Variants in PRR16 observed in about 807,000 individuals in gnomAD.
PRR16 encodes proline rich 16, also known as protein Largen.
In PRR16, 6 loss-of-function variants were observed where a neutral mutation model predicts 18.2. The ratio of observed to expected loss-of-function variants is 0.33; its 90% confidence interval spans 0.18 to 0.65. The LOEUF (loss-of-function observed/expected upper bound fraction) is 0.65, where lower values mean the gene tolerates loss of function less well. PRR16 is among the 30% of genes least tolerant of loss of function. PRR16 has a pLI of 0.74. For synonymous variants in PRR16, 151 were observed against 147.8 expected, an observed-to-expected ratio of 1.02 and a Z score of -0.16; for missense variants, 412 against 376.6, an observed-to-expected ratio of 1.09 and a Z score of -0.78.
intron 1 of PRR16, among the ~76,000 whole-genome samples, chr5:120,476,155 G>A (rs1749435044): frequency 6.6e-6 from 1 of 152,112 alleles, no homozygotes; most frequent in Non-Finnish European, 1.5e-5. Context: ...TTAATCTAAT[G>A]TACTGCTTTC....
intron 1 of PRR16, among the ~76,000 whole-genome samples, chr5:120,617,443 T>C (rs1754549594): frequency 6.6e-6 from 1 of 152,186 alleles, no homozygotes; most frequent in Non-Finnish European, 1.5e-5. Flanking sequence ...AAATTCCACA[T>C]AAGGAAATAA....
At chr5:120,754,363 AAT>A in the PRR16 span, among the ~76,000 whole-genome samples, 4 of 55,736 alleles carry the variant, frequency 7.2e-5, no homozygotes, top group African/African-American at 8.9e-5. Context: ...GATGTATATA[AAT>A]ATATAATATA....
intron 1 of PRR16, among the ~76,000 whole-genome samples, chr5:120,628,287 T>C (rs1276720335): frequency 6.6e-6 from 1 of 152,134 alleles, no homozygotes; most frequent in East Asian, 1.9e-4. Context: ...AACACTTTTC[T>C]AGTTATATTT....
the PRR16 span, among the ~76,000 whole-genome samples, chr5:120,785,569 G>GTTTTTTTTTTTTTTTTTTTTTTTTTTTT: frequency 1.0e-5 from 1 of 99,606 alleles, no homozygotes; most frequent in African/African-American, 3.8e-5. Flanking sequence ...GTGTTTTGTT[G>GTTTTTTTTTTTTTTTTTTTTTTTTTTTT]TTGTTGTTTT....
the PRR16 span, among the ~76,000 whole-genome samples, chr5:120,774,984 T>C: frequency 6.6e-6 from 1 of 152,188 alleles, no homozygotes; most frequent in Non-Finnish European, 1.5e-5. Flanking sequence ...CTTCCTTCCA[T>C]GCAGCCAAGC....
the PRR16 span, among the ~76,000 whole-genome samples, chr5:120,754,203 A>T: frequency 1.1e-5 from 1 of 91,682 alleles, no homozygotes; most frequent in Non-Finnish European, 2.0e-5. Context: ...ATTATATATT[A>T]TAAATTATAT....
intron 1 of PRR16, among the ~76,000 whole-genome samples, chr5:120,497,482 C>G (rs758602685): frequency 6.7e-6 from 1 of 149,428 alleles, no homozygotes; most frequent in East Asian, 2.0e-4. Context: ...CCTCCGTCTC[C>G]TGGTTCACAC....
chr5:120,665,354 T>G (rs1756332282), intron 1 of PRR16, among the ~76,000 whole-genome samples: 1 of 152,056 alleles, frequency 6.6e-6, no homozygotes. Flanking sequence ...ATTCTGGATA[T>G]TAGCCCTTTG....
At chr5:120,695,767 A>G in the PRR16 span, among the ~76,000 whole-genome samples, 1 of 152,180 alleles carries the variant, frequency 6.6e-6, no homozygotes, top group Admixed American at 6.5e-5. Flanking sequence ...CCAGCTGAGT[A>G]GTCTAATTAC....
the PRR16 span, among the ~76,000 whole-genome samples, chr5:120,773,950 C>G: frequency 6.6e-6 from 1 of 152,002 alleles, no homozygotes; most frequent in Admixed American, 6.6e-5. Flanking sequence ...TATTTTTGTA[C>G]TTGATATTCC....
At chr5:120,756,563 T>G in the PRR16 span, among the ~76,000 whole-genome samples, 1 of 152,148 alleles carries the variant, frequency 6.6e-6, no homozygotes, top group South Asian at 2.1e-4. Context: ...GGAGCATTTT[T>G]TTTCATGTTT....
intron 1 of PRR16, among the ~76,000 whole-genome samples, chr5:120,537,769 GTTTT>G (rs71623210): frequency 1.7e-5 from 2 of 115,192 alleles, no homozygotes; most frequent in Non-Finnish European, 1.7e-5. Flanking sequence ...AATTTTTAAT[GTTTT>G]TTTTTTTTTT....
chr5:120,753,859 T>C, the PRR16 span, among the ~76,000 whole-genome samples: 2 of 82,634 alleles, frequency 2.4e-5, no homozygotes, highest in South Asian at 3.6e-4. Context: ...TTATATATAA[T>C]ATCTTATATA....
chr5:120,761,612 T>A, the PRR16 span, among the ~76,000 whole-genome samples: 1 of 152,162 alleles, frequency 6.6e-6, no homozygotes, highest in Non-Finnish European at 1.5e-5. Context: ...TACATAATAT[T>A]TGTACATACT....
chr5:120,626,734 T>A (rs1162016038), intron 1 of PRR16, among the ~76,000 whole-genome samples: 1 of 152,116 alleles, frequency 6.6e-6, no homozygotes, highest in Non-Finnish European at 1.5e-5. Flanking sequence ...TCATTGTAAT[T>A]TTTAAACTTA....
chr5:120,505,580 G>A (rs952017669), intron 1 of PRR16, among the ~76,000 whole-genome samples: 7 of 152,176 alleles, frequency 4.6e-5, no homozygotes, highest in African/African-American at 1.7e-4. Context: ...ACTGGAGGAT[G>A]AAGATTGAAT....
chr5:120,484,692 A>G (rs1467332575), intron 1 of PRR16, among the ~76,000 whole-genome samples: 2 of 148,288 alleles, frequency 1.3e-5, no homozygotes, highest in East Asian at 1.9e-4. Context: ...TGGAACCTTC[A>G]GAAACATGGG....
chr5:120,487,414 G>A (rs1371207736), intron 1 of PRR16, among the ~76,000 whole-genome samples: 1 of 152,172 alleles, frequency 6.6e-6, no homozygotes, highest in Non-Finnish European at 1.5e-5. Context: ...AAGCAATTGT[G>A]AATGGGCGTT....
At chr5:120,705,863 T>A in the PRR16 span, among the ~76,000 whole-genome samples, 1 of 152,060 alleles carries the variant, frequency 6.6e-6, no homozygotes, top group African/African-American at 2.4e-5. Flanking sequence ...AGAAAAAAAA[T>A]TGTAACACAA....
Sources: gnomAD v4.1 joint callset for allele counts (sites outside exome capture counted in the v4.1 genomes callset) on GRCh38, gnomAD v4.1.1 for gene constraint, MANE v1.5 for transcripts, NCBI Gene and HGNC (gene_info 2026-07-23, HGNC 2026-07-21) for gene names.